Variants in KCNQ5 observed in about 807,000 individuals in gnomAD.
KCNQ5 encodes potassium voltage-gated channel subfamily Q member 5.
KCNQ5 carries 30 observed loss-of-function variants against 98.2 expected under a neutral mutation model. The observed-to-expected ratio is 0.31, with a 90% confidence interval of 0.23 to 0.41. KCNQ5 has a LOEUF of 0.41. Ranked by LOEUF, KCNQ5 falls within the 10% of genes least tolerant of loss-of-function variation. The probability of loss-of-function intolerance (pLI) is 1.00; values close to 1 mark genes in which losing one functional copy is unlikely to be tolerated. For synonymous variants in KCNQ5, 458 were observed against 449.4 expected (o/e 1.02, Z -0.24); for missense variants, 835 against 1,182.5 (o/e 0.71, Z 4.31).
chr6:73,081,105 A>G (rs1222368272), intron 5 of KCNQ5, among the ~76,000 whole-genome samples: 1 of 152,212 alleles, frequency 6.6e-6, no homozygotes, highest in African/African-American at 2.4e-5. Context: ...CCTTTAATAC[A>G]AAAGGAACAA....
chr6:72,731,485 GACTA>G (rs1227796122), intron 1 of KCNQ5, among the ~76,000 whole-genome samples: 5 of 152,196 alleles, frequency 3.3e-5, no homozygotes, highest in Non-Finnish European at 7.4e-5. Flanking sequence ...ACTGTTATGG[GACTA>G]ACTAACGCAT....
intron 1 of KCNQ5, among the ~76,000 whole-genome samples, chr6:72,930,253 A>G (rs1765629642): frequency 6.6e-6 from 1 of 152,162 alleles, no homozygotes; most frequent in Non-Finnish European, 1.5e-5. Flanking sequence ...ATAAACCTAG[A>G]GAAAAAGATA....
intron 1 of KCNQ5, among the ~76,000 whole-genome samples, chr6:72,664,850 G>A: frequency 6.6e-6 from 1 of 152,062 alleles, no homozygotes; most frequent in Non-Finnish European, 1.5e-5. Context: ...AAAAGAAATA[G>A]GACATTATTC....
intron 1 of KCNQ5, among the ~76,000 whole-genome samples, chr6:72,646,342 C>A (rs1226573075): frequency 6.6e-6 from 1 of 151,874 alleles, no homozygotes; most frequent in Non-Finnish European, 1.5e-5. Flanking sequence ...ACTTTAGCAG[C>A]AAATGATGAG....
chr6:72,812,212 C>A (rs1332306771), intron 1 of KCNQ5, among the ~76,000 whole-genome samples: 1 of 152,108 alleles, frequency 6.6e-6, no homozygotes, highest in East Asian at 1.9e-4. Context: ...GTCTTTATGA[C>A]CTGTATCTTA....
chr6:72,878,022 GCA>G (rs1229683481), intron 1 of KCNQ5, among the ~76,000 whole-genome samples: 2 of 152,226 alleles, frequency 1.3e-5, no homozygotes, highest in African/African-American at 4.8e-5. Context: ...TGTGATCCCA[GCA>G]CTTTGGGAGG....
rs1197917845 is a variant in KCNQ5, at chr6:73,042,025, A to G, written c.579A>G (p.Gly193=). The G allele has an allele frequency of 6.2e-7, 1 of 1,613,826 alleles. No individual in the cohort carries two copies. Among genetic ancestry groups the G allele is most frequent in the African/African-American group, 1.3e-5 (1 of 74,914 alleles). ...GTTGTCGATATAGAGGATGGCAAGGAAGACTGAGGTTTGCTCGAAAGCCCT... is the reference window on the plus strand; with the variant it reads ...GTTGTCGATATAGAGGATGGCAAGGGAGACTGAGGTTTGCTCGAAAGCCCT... ...GCCCRYRGWQ[G]RLRFARKPFC... The change falls in exon 3 of 14, where the codon GGA becomes GGG. Residue 193 remains glycine (G), a synonymous_variant. Transcript: ENST00000370398.
intron 1 of KCNQ5, among the ~76,000 whole-genome samples, chr6:72,963,383 G>T (rs1031574081): frequency 2.6e-5 from 4 of 152,088 alleles, no homozygotes; most frequent in Non-Finnish European, 5.9e-5. Context: ...ATATATTTTA[G>T]CACCTGTTTT....
intron 1 of KCNQ5, among the ~76,000 whole-genome samples, chr6:72,948,734 T>C (rs1766661401): frequency 6.6e-6 from 1 of 152,156 alleles, no homozygotes; most frequent in African/African-American, 2.4e-5. Context: ...TATCATTTTC[T>C]TTAAATAGAT....
intron 1 of KCNQ5, among the ~76,000 whole-genome samples, chr6:72,729,445 A>T (rs1770448713): frequency 6.6e-6 from 1 of 151,978 alleles, no homozygotes; most frequent in South Asian, 2.1e-4. Context: ...GTGCCACCAC[A>T]CCTGGCTAAT....
chr6:72,785,036 T>C (rs1582284356), intron 1 of KCNQ5, among the ~76,000 whole-genome samples: 1 of 152,312 alleles, frequency 6.6e-6, no homozygotes, highest in Non-Finnish European at 1.5e-5. Flanking sequence ...GGCAGCAACA[T>C]CAGCCAATAA....
At chr6:72,954,706 TGCATTTCTAGATAC>T (rs963903072) in intron 1 of KCNQ5, among the ~76,000 whole-genome samples, 1 of 152,192 alleles carries the variant, frequency 6.6e-6, no homozygotes, top group Non-Finnish European at 1.5e-5. Flanking sequence ...CTACAAAATG[TGCATTTCTAGATAC>T]GCAGCCCTTC....
intron 1 of KCNQ5, among the ~76,000 whole-genome samples, chr6:72,907,799 A>G (rs1179997504): frequency 6.6e-6 from 1 of 152,158 alleles, no homozygotes; most frequent in African/African-American, 2.4e-5. Flanking sequence ...GTTTCTAAGC[A>G]ATCCCACTAA....
chr6:72,842,269 A>G (rs1776828596), intron 1 of KCNQ5, among the ~76,000 whole-genome samples: 1 of 152,176 alleles, frequency 6.6e-6, no homozygotes, highest in South Asian at 2.1e-4. Flanking sequence ...TCCACTGTCC[A>G]TTGCACTTTG....
At chr6:72,645,313 G>A (rs1246559727) in intron 1 of KCNQ5, among the ~76,000 whole-genome samples, 2 of 151,236 alleles carry the variant, frequency 1.3e-5, no homozygotes, top group Non-Finnish European at 2.9e-5. Flanking sequence ...CTGAGCTCAG[G>A]AGTTTGCAGC....
At chr6:72,782,040 T>C (rs1299168765) in intron 1 of KCNQ5, among the ~76,000 whole-genome samples, 1 of 150,330 alleles carries the variant, frequency 6.7e-6, no homozygotes, top group Non-Finnish European at 1.5e-5. Flanking sequence ...GTATTGACTT[T>C]AACCCTACAT....
At chr6:72,939,316 G>A (rs1766113990) in intron 1 of KCNQ5, among the ~76,000 whole-genome samples, 1 of 152,178 alleles carries the variant, frequency 6.6e-6, no homozygotes, top group African/African-American at 2.4e-5. Context: ...ACCACAGCTG[G>A]GGGCTCTCCT....
At chr6:72,854,793 G>C (rs1777458539) in intron 1 of KCNQ5, among the ~76,000 whole-genome samples, 1 of 136,776 alleles carries the variant, frequency 7.3e-6, no homozygotes, top group Admixed American at 7.2e-5. Flanking sequence ...TGCGTGCGTA[G>C]ATTAGAGCAA....
At chr6:72,899,145 G>A (rs1318689368) in intron 1 of KCNQ5, among the ~76,000 whole-genome samples, 1 of 152,114 alleles carries the variant, frequency 6.6e-6, no homozygotes, top group African/African-American at 2.4e-5. Context: ...TCTGATGATA[G>A]TTTCTTTTGC....
Sources: allele counts gnomAD v4.1 joint callset (sites outside exome capture counted in the v4.1 genomes callset), GRCh38; gene constraint gnomAD v4.1.1; transcripts MANE v1.5; gene names NCBI Gene and HGNC (gene_info 2026-07-23, HGNC 2026-07-21).